RAB18: variants seen among roughly 807,000 people sequenced by gnomAD.
RAB18 encodes RAB18, member RAS oncogene family, also known as ras-related protein Rab-18.
In RAB18, 10 loss-of-function variants were observed where a neutral mutation model predicts 28.5. The ratio of observed to expected loss-of-function variants is 0.35; its 90% CI spans 0.22 to 0.60. The LOEUF (loss-of-function observed/expected upper bound fraction) is 0.60. RAB18 is among the 20% of genes least tolerant of loss of function. The pLI, the probability that RAB18 is intolerant of heterozygous loss-of-function variation, is 0.78. For missense variants in RAB18, 188 were observed against 244.2 expected (o/e 0.77, Z 1.53); for synonymous variants, 93 against 86.9 (o/e 1.07, Z -0.39).
intron 2 of RAB18, among the ~76,000 whole-genome samples, chr10:27,518,850 A>C (rs1234765833): frequency 6.6e-6 from 1 of 152,062 alleles, no homozygotes; most frequent in African/African-American, 2.4e-5. Context: ...AGAAGGTTGC[A>C]GTGATTTTCC....
Position 27,541,967 on chromosome 10 carries a change from C to A in RAB18, c.*3916C>A. ...ATGGTTCAGGGGTAGGCACCTGACC[C>A]AGACCAGACTACTGAGATAAAGATG... is the stretch of plus-strand genomic sequence containing the variant. On this transcript the variant is annotated 3_prime_UTR_variant, in exon 7 of 7. Transcript: ENST00000356940. The A allele has an allele frequency of 2.2e-6, 1 of 454,078 alleles. No homozygotes were observed. Among genetic ancestry groups the A allele is most frequent in the Non-Finnish European group, 4.4e-6 (1 of 226,794 alleles). The allele number at this position is 454,078 out of a possible 1,614,324, so 28.1% of individuals were successfully genotyped here. A position where few individuals can be genotyped will look rare whatever the true frequency, so the allele number is the denominator to read the frequency against.
At chr10:27,515,088 TTTTG>T (rs1269832388) in intron 2 of RAB18, among the ~76,000 whole-genome samples, 14 of 152,262 alleles carry the variant, frequency 9.2e-5, no homozygotes, top group South Asian at 6.2e-4. Context: ...CGACCAGTTT[TTTTG>T]TTTGTTTGTT....
rs1418698161 is a variant in RAB18 at position 27,539,761 on chromosome 10, A to G, written c.*1710A>G. 1 of 449,750 alleles carries G rather than the reference A, an allele frequency of 2.2e-6. No individual in the cohort carries two copies. The highest frequency in any genetic ancestry group is 4.4e-6 in the Non-Finnish European group (1 of 225,618). The allele number at this position is 449,750 out of a possible 1,614,324, so 27.9% of individuals were successfully genotyped here. A position where few individuals can be genotyped will look rare whatever the true frequency, so the allele number is the denominator to read the frequency against. On this transcript the variant is annotated 3_prime_UTR_variant, in exon 7 of 7. Coordinates refer to ENST00000356940, the MANE Select transcript of RAB18 (RefSeq NM_021252.5). Reference sequence around the variant, plus strand: ...AGTTACTTGAATATAACAAAAATGAATTTTGTTTGATAGATTTATATTGTA... The same window carrying G: ...AGTTACTTGAATATAACAAAAATGAGTTTTGTTTGATAGATTTATATTGTA...
intron 6 of RAB18, among the ~76,000 whole-genome samples, chr10:27,534,712 T>A (rs963671842): frequency 2.0e-5 from 3 of 152,228 alleles, no homozygotes; most frequent in Admixed American, 2.0e-4. Context: ...GGCAGTTTAT[T>A]GAAAGCACTC....
At chr10:27,520,814 G>A (rs1478466525) in intron 2 of RAB18, among the ~76,000 whole-genome samples, 2 of 150,124 alleles carry the variant, frequency 1.3e-5, no homozygotes, top group Non-Finnish European at 3.0e-5. Context: ...CTACTAGGGA[G>A]GCTGGGATGA....
At chr10:27,531,354 C>T (rs144010218) in intron 3 of RAB18, among the ~76,000 whole-genome samples, 1 of 152,078 alleles carries the variant, frequency 6.6e-6, no homozygotes, top group East Asian at 1.9e-4. Context: ...TGCTGAAGCC[C>T]CTCACGCCCC....
intron 2 of RAB18, among the ~76,000 whole-genome samples, chr10:27,525,278 A>G (rs555928300): frequency 5.3e-5 from 8 of 152,300 alleles, no homozygotes; most frequent in Non-Finnish European, 1.0e-4. Context: ...AGTTCTTTAT[A>G]TACTCCCTGA....
chr10:27,519,201 C>G (rs532659956), intron 2 of RAB18, among the ~76,000 whole-genome samples: 1 of 151,452 alleles, frequency 6.6e-6, no homozygotes, highest in Non-Finnish European at 1.5e-5. Context: ...AGAAATATCA[C>G]GTAATCATCT....
rs1480170012 is a variant in RAB18, at chr10:27,541,466, TCA to T, written c.*3416_*3417del. ...TAGCTTATTGTTTCATACTTGGGAA[TCA>T]GTCATGTTTCTGATTGTGGTATAAA... On this transcript the variant is annotated 3_prime_UTR_variant, in exon 7 of 7. Transcript: ENST00000356940. 1 of 453,782 alleles carries T rather than the reference TCA, an allele frequency of 2.2e-6. No homozygotes were observed. The highest frequency in any genetic ancestry group is 2.0e-5 in the African/African-American group (1 of 49,928). The allele number at this position is 453,782 out of a possible 1,614,324, so 28.1% of individuals were successfully genotyped here.
At chr10:27,519,890 T>C (rs919167883) in intron 2 of RAB18, among the ~76,000 whole-genome samples, 8 of 152,124 alleles carry the variant, frequency 5.3e-5, no homozygotes, top group African/African-American at 1.4e-4. Context: ...AAACCAAAGC[T>C]TTATCACCAT....
rs185090827 is a variant in RAB18, at chr10:27,522,978, G to A, written c.125-3850G>A. Among the ~76,000 whole-genome samples the A allele has an allele frequency of 1.5e-3, 227 of 151,818 alleles. 2 individuals are homozygous for A. The highest frequency in any genetic ancestry group is 5.3e-3 in the African/African-American group (218 of 41,476). ...GCAACTTTTGGATTCATTGATTTTT[G>A]TTGTTGTTTTTCTGTTTTTAATTTC... On this transcript the variant is annotated intron_variant, in intron 2 of 6. Transcript: ENST00000356940.
intron 2 of RAB18, among the ~76,000 whole-genome samples, chr10:27,517,535 T>C (rs1165039919): frequency 6.6e-6 from 1 of 152,172 alleles, no homozygotes; most frequent in African/African-American, 2.4e-5. Context: ...GGAACAATTA[T>C]ACAGAATCAA....
At position 27,529,011 on chromosome 10, in the gene RAB18, G is replaced by A. The variant is rs569903522; in HGVS notation, c.186+2122G>A. On this transcript the variant is annotated intron_variant, in intron 3 of 6. Coordinates refer to ENST00000356940, the MANE Select transcript of RAB18 (RefSeq NM_021252.5). Reference sequence around the variant, plus strand: ...TTTACATATTTTACCCATTTTATACGTTAGCATTCATCTTTTTCTTCATTA... The same window carrying A: ...TTTACATATTTTACCCATTTTATACATTAGCATTCATCTTTTTCTTCATTA... Among the ~76,000 whole-genome samples the A allele has an allele frequency of 5.3e-5, 8 of 151,912 alleles. No homozygotes were observed. In the South Asian group the frequency reaches 1.0e-3, roughly 20 times the overall value.
chr10:27,534,492 C>G (rs750066599), intron 6 of RAB18, among the ~76,000 whole-genome samples: 4 of 152,252 alleles, frequency 2.6e-5, no homozygotes, highest in Non-Finnish European at 5.9e-5. Flanking sequence ...TATTGGTACA[C>G]AGCCATGTCC....
chr10:27,515,301 A>C (rs1053257751), intron 2 of RAB18, among the ~76,000 whole-genome samples: 2 of 151,210 alleles, frequency 1.3e-5, no homozygotes, highest in Non-Finnish European at 3.0e-5. Flanking sequence ...AATTCGCTTT[A>C]AGTTTTTTAT....
intron 1 of RAB18, among the ~76,000 whole-genome samples, chr10:27,506,982 A>G (rs1444983007): frequency 6.6e-6 from 1 of 152,196 alleles, no homozygotes; most frequent in Non-Finnish European, 1.5e-5. Context: ...GTCTAGCTAG[A>G]TATACATTAT....
chr10:27,505,926 A>G (rs1837819899), intron 1 of RAB18, among the ~76,000 whole-genome samples: 3 of 152,204 alleles, frequency 2.0e-5, no homozygotes, highest in African/African-American at 7.2e-5. Flanking sequence ...GCACATACCA[A>G]GGAATAGAAT....
At chr10:27,508,003 T>C (rs761597837) in intron 1 of RAB18, among the ~76,000 whole-genome samples, 21 of 149,182 alleles carry the variant, frequency 1.4e-4, no homozygotes, top group Non-Finnish European at 2.4e-4. Flanking sequence ...GGTGACAGAG[T>C]GAGACCCTCT....
At chr10:27,534,044 T>G in intron 6 of RAB18, 50 bp downstream of exon 6, 1 of 1,508,118 alleles carries the variant, frequency 6.6e-7, no homozygotes. Flanking sequence ...GAGGAATTTT[T>G]GAATGGAGTT....
Sources: allele counts gnomAD v4.1 joint callset (sites outside exome capture counted in the v4.1 genomes callset), GRCh38; gene constraint gnomAD v4.1.1; transcripts MANE v1.5; gene names NCBI Gene and HGNC (gene_info 2026-07-23, HGNC 2026-07-21).